Variants in MCF2L observed in about 807,000 individuals in gnomAD.
MCF2L encodes MCF.2 cell line derived transforming sequence like.
Under a neutral mutation model 153.4 loss-of-function variants are expected in MCF2L, and 97 were observed. That is an observed-to-expected ratio of 0.63 (90% CI 0.54 to 0.75). The LOEUF (loss-of-function observed/expected upper bound fraction) is 0.75. Among genes scored for constraint, MCF2L ranks in the 30% least tolerant of loss-of-function variants. The pLI is 0.00. For missense variants in MCF2L, 1,347 were observed against 1,495.2 expected (o/e 0.90, Z 1.64); for synonymous variants, 659 against 632.2 (o/e 1.04, Z -0.64).
chr13:112,974,345 C>G (rs1055507118), intron 1 of MCF2L, among the ~76,000 whole-genome samples: 5 of 152,102 alleles, frequency 3.3e-5, no homozygotes, highest in Non-Finnish European at 5.9e-5. Context: ...TGGCCAACCT[C>G]TGAGTCTGCA....
intron 2 of MCF2L, among the ~76,000 whole-genome samples, chr13:112,942,722 A>G (rs531237740): frequency 6.6e-6 from 1 of 152,326 alleles, no homozygotes; most frequent in South Asian, 2.1e-4. Flanking sequence ...ATGAGTTCAG[A>G]TGCAGGTAAC....
intron 2 of MCF2L, among the ~76,000 whole-genome samples, chr13:112,933,443 G>A (rs2081484055): frequency 1.3e-5 from 2 of 152,206 alleles, no homozygotes; most frequent in African/African-American, 4.8e-5. Context: ...GACCAACCAG[G>A]TCCAGCCTCG....
In MCF2L at chr13:113,076,115, G is replaced by T. The variant is rs748313811; in HGVS notation, c.1458G>T (p.Ala486=). ...GAENKIQELN[A]IYKEYESILN... ...AAAATAAGATCCAGGAGCTCAACGC[G>T]ATTTACAAGGAATACGAATCCATCC... The change falls in exon 12 of 30, where the codon GCG becomes GCT. Residue 486 remains alanine, a synonymous_variant. Transcript: ENST00000535094. 10 of 1,613,816 alleles carry T rather than the reference G, an allele frequency of 6.2e-6. No individual in the cohort carries two copies. The African/African-American group carries it at 1.2e-4, about 19-fold the overall frequency.
chr13:112,906,109 CTCGGT>C (rs1291875991), intron 2 of MCF2L, among the ~76,000 whole-genome samples: 1 of 152,192 alleles, frequency 6.6e-6, no homozygotes, highest in Non-Finnish European at 1.5e-5. Context: ...TTCCAGCTCG[CTCGGT>C]GCGGTCTGAA....
intron 1 of MCF2L, among the ~76,000 whole-genome samples, chr13:112,987,210 G>T (rs2082682447): frequency 2.6e-5 from 4 of 152,116 alleles, no homozygotes; most frequent in Admixed American, 2.6e-4. Context: ...GTTCAGATTG[G>T]ATGGGGTCCC....
At chr13:112,939,207 C>T (rs1367201644) in intron 2 of MCF2L, among the ~76,000 whole-genome samples, 1 of 152,156 alleles carries the variant, frequency 6.6e-6, no homozygotes, top group Non-Finnish European at 1.5e-5. Flanking sequence ...ATAGTCTGAG[C>T]AAAGGAAGGT....
At chr13:113,052,339 C>T (rs533253754) in intron 4 of MCF2L, among the ~76,000 whole-genome samples, 52 of 152,310 alleles carry the variant, frequency 3.4e-4, no homozygotes, top group African/African-American at 1.0e-3. Context: ...CATGAGGCTC[C>T]GTGTGGGCCG....
intron 2 of MCF2L, among the ~76,000 whole-genome samples, chr13:112,936,873 A>C (rs1032724607): frequency 6.6e-6 from 1 of 152,180 alleles, no homozygotes; most frequent in Non-Finnish European, 1.5e-5. Flanking sequence ...GCCGTGAAAT[A>C]GTTTTTACAC....
intron 2 of MCF2L, among the ~76,000 whole-genome samples, chr13:113,015,621 C>T (rs2084462086): frequency 6.6e-6 from 1 of 152,200 alleles, no homozygotes; most frequent in Admixed American, 6.5e-5. Flanking sequence ...GCACCTGCAC[C>T]TACAGAGCCA....
intron 3 of MCF2L, among the ~76,000 whole-genome samples, chr13:113,034,884 C>T (rs1347671142): frequency 2.7e-5 from 4 of 146,602 alleles, no homozygotes; most frequent in African/African-American, 5.2e-5. Flanking sequence ...AAGGTCTGCC[C>T]GAGGTGAGGA....
At chr13:113,030,309 C>CGA (rs1555369907) in intron 3 of MCF2L, among the ~76,000 whole-genome samples, 35 of 62,432 alleles carry the variant, frequency 5.6e-4, no homozygotes, top group Non-Finnish European at 8.6e-4. Context: ...CCGCCGACGC[C>CGA]CGGTGTGGAC....
chr13:113,030,226 G>A (rs200465859), intron 3 of MCF2L, among the ~76,000 whole-genome samples: 1 of 151,648 alleles, frequency 6.6e-6, no homozygotes, highest in African/African-American at 2.4e-5. Flanking sequence ...GCCCGGTGTG[G>A]ACTCTCAGGT....
chr13:112,909,147 C>T (rs958693700), intron 2 of MCF2L: 6 of 758,880 alleles, frequency 7.9e-6, no homozygotes, highest in Non-Finnish European at 1.5e-5. Context: ...GCCTCATCCG[C>T]TTCTGGGTTA....
intron 2 of MCF2L, chr13:112,956,211 C>T (rs889764530): frequency 1.2e-4 from 19 of 155,408 alleles, no homozygotes; most frequent in Middle Eastern, 3.0e-3. Flanking sequence ...CAGGAGGGTC[C>T]TGGAGTCAAG....
At chr13:112,921,156 G>A (rs950960173) in intron 2 of MCF2L, among the ~76,000 whole-genome samples, 4 of 152,048 alleles carry the variant, frequency 2.6e-5, no homozygotes, top group South Asian at 4.1e-4. Flanking sequence ...TAGCCTGAGC[G>A]ACAGAGCAAG....
At chr13:112,964,020 T>C (rs886999707) in intron 2 of MCF2L, among the ~76,000 whole-genome samples, 3 of 151,794 alleles carry the variant, frequency 2.0e-5, no homozygotes, top group Non-Finnish European at 4.4e-5. Flanking sequence ...ACACATTCGA[T>C]GTAACTGAGA....
At position 112,993,686 on chromosome 13, in the gene MCF2L, G is replaced by A. The variant is rs551360827; in HGVS notation, c.80-21077G>A. 6.6e-6 allele frequency among the ~76,000 whole-genome samples: 1 copy of A among 152,104 alleles called. No individual in the cohort carries two copies. Among genetic ancestry groups the A allele is most frequent in the Non-Finnish European group, 1.5e-5 (1 of 68,026 alleles). On this transcript the variant is annotated intron_variant, in intron 1 of 29. Coordinates refer to ENST00000535094, the MANE Select transcript of MCF2L (RefSeq NM_001112732.3). The surrounding 1 kb of genome is among the most constrained non-coding windows in gnomAD (Gnocchi z 4.6). ...CACGATGTCAGGCTTGGAATTTGGGGTGGACGGTGGTGCCATCAGTCAAGA... is the reference window on the plus strand; with the variant it reads ...CACGATGTCAGGCTTGGAATTTGGGATGGACGGTGGTGCCATCAGTCAAGA...
chr13:112,988,710 T>C (rs2082755062), intron 1 of MCF2L, among the ~76,000 whole-genome samples: 1 of 137,282 alleles, frequency 7.3e-6, no homozygotes, highest in Admixed American at 7.2e-5. Flanking sequence ...ACCGGAGTCC[T>C]CCCTGAGCAG....
chr13:112,983,395 G>A lies in MCF2L; in HGVS notation c.79+13937G>A, dbSNP rs1210212449. ...GAAACCCAGGCCGGACCTCACAATT[G>A]CAGGATGAGCCTCCTCCCTTCTATC... On this transcript the variant is annotated intron_variant, in intron 1 of 29. Transcript: ENST00000535094. The surrounding 1 kb of genome is among the most constrained non-coding windows in gnomAD (Gnocchi z 4.0). Among the ~76,000 whole-genome samples, 1 of 152,218 alleles carries A rather than the reference G, an allele frequency of 6.6e-6. No individual in the cohort carries two copies. Among genetic ancestry groups the A allele is most frequent in the Non-Finnish European group, 1.5e-5 (1 of 68,048 alleles).
Sources: gnomAD v4.1 joint callset for allele counts (sites outside exome capture counted in the v4.1 genomes callset) on GRCh38, gnomAD v4.1.1 for gene constraint, Gnocchi (gnomAD v3.1) non-coding constraint, MANE v1.5 for transcripts, NCBI Gene and HGNC (gene_info 2026-07-23, HGNC 2026-07-21) for gene names.